CDC42BPA: variants seen among roughly 807,000 people sequenced by gnomAD.
CDC42BPA encodes CDC42 binding protein kinase alpha.
A neutral mutation model predicts 223.5 loss-of-function variants in CDC42BPA; 80 were observed. The ratio of observed to expected loss-of-function variants is 0.36; its 90% CI spans 0.30 to 0.43. The LOEUF is 0.43. CDC42BPA is among the 20% of genes least tolerant of loss of function. CDC42BPA has a pLI of 1.00. For synonymous variants in CDC42BPA, 694 were observed against 718.6 expected, an observed-to-expected ratio of 0.97 and a Z score of 0.55; for missense variants, 1,743 against 2,099.9, an observed-to-expected ratio of 0.83 and a Z score of 3.32.
chr1:227,103,335 AAACAT>A (rs1438008645), intron 14 of CDC42BPA, among the ~76,000 whole-genome samples: 1 of 152,122 alleles, frequency 6.6e-6, no homozygotes, highest in Non-Finnish European at 1.5e-5. Context: ...AATAAGCAAT[AAACAT>A]AACAAAAATT....
At chr1:227,302,745 C>T (rs1341709352) in intron 1 of CDC42BPA, among the ~76,000 whole-genome samples, 4 of 151,994 alleles carry the variant, frequency 2.6e-5, no homozygotes, top group African/African-American at 4.8e-5. Flanking sequence ...TCCTATCATT[C>T]ATCAGATTAT....
chr1:227,093,714 T>C (rs1683487508), intron 15 of CDC42BPA, among the ~76,000 whole-genome samples: 1 of 152,200 alleles, frequency 6.6e-6, no homozygotes, highest in Non-Finnish European at 1.5e-5. Context: ...AACCTGAGCC[T>C]CTTTTTTGTT....
intron 16 of CDC42BPA, among the ~76,000 whole-genome samples, chr1:227,084,663 T>C (rs1023667452): frequency 1.7e-4 from 26 of 152,142 alleles, no homozygotes; most frequent in African/African-American, 6.3e-4. Context: ...TGTATGTTTG[T>C]AGAGATACCG....
At chr1:227,127,858 C>A (rs143820954) in intron 11 of CDC42BPA, among the ~76,000 whole-genome samples, 1 of 152,152 alleles carries the variant, frequency 6.6e-6, no homozygotes, top group South Asian at 2.1e-4. Context: ...ATAAAAGATG[C>A]TACATTAGAT....
intron 1 of CDC42BPA, among the ~76,000 whole-genome samples, chr1:227,300,458 A>G (rs1237152402): frequency 1.3e-5 from 2 of 152,214 alleles, no homozygotes; most frequent in Non-Finnish European, 2.9e-5. Flanking sequence ...TATATGGTAT[A>G]TATATACACA....
intron 2 of CDC42BPA, among the ~76,000 whole-genome samples, chr1:227,251,694 T>C (rs76312186): frequency 9.2e-5 from 14 of 152,230 alleles, no homozygotes; most frequent in African/African-American, 3.1e-4. Context: ...TAACTGTACA[T>C]TTGTTATCAG....
intron 27 of CDC42BPA, 79 bp from the exon 28 acceptor site, chr1:227,031,593 T>G: frequency 8.7e-7 from 1 of 1,151,012 alleles, no homozygotes; most frequent in Non-Finnish European, 1.3e-6. Context: ...GTTAGTTTGC[T>G]TAGCACTCAC....
At chr1:227,103,614 A>G (rs1685416683) in intron 14 of CDC42BPA, among the ~76,000 whole-genome samples, 1 of 152,128 alleles carries the variant, frequency 6.6e-6, no homozygotes, top group African/African-American at 2.4e-5. Context: ...TATACTTTTC[A>G]AATATTAAAA....
intron 33 of CDC42BPA, among the ~76,000 whole-genome samples, chr1:227,016,486 T>C (rs527564442): frequency 2.6e-5 from 4 of 152,294 alleles, no homozygotes; most frequent in African/African-American, 9.6e-5. Flanking sequence ...ATTTTATGTA[T>C]CTCTTTAAAA....
chr1:227,004,257 T>C (rs989779878), intron 35 of CDC42BPA: 1 of 152,172 alleles, frequency 6.6e-6, no homozygotes, highest in Non-Finnish European at 1.5e-5. Flanking sequence ...ACTCTGAAAA[T>C]ATATCTGGAG....
chr1:227,270,742 C>T (rs1194589303), intron 1 of CDC42BPA, among the ~76,000 whole-genome samples: 1 of 152,124 alleles, frequency 6.6e-6, no homozygotes, highest in African/African-American at 2.4e-5. Flanking sequence ...CCATCCCCTC[C>T]CCGACCCACC....
rs61834007 is a variant in CDC42BPA, at chr1:227,017,202, T to C, written c.4616-152A>G. The C allele has an allele frequency of 1.8e-4, 107 of 586,432 alleles. 1 individual carries two copies. Among genetic ancestry groups the C allele is most frequent in the Non-Finnish European group, 2.7e-4 (96 of 354,722 alleles). 36.3% of individuals were successfully genotyped at this position (586,432 alleles called of 1,614,324 possible). A position where few individuals can be genotyped will look rare whatever the true frequency, so the allele number is the denominator to read the frequency against. ...TGTGTTGATAACCCAGTAAATAATATTTAACAGAACCTATGTAAACAGATA... is the reference window on the plus strand; with the variant it reads ...TGTGTTGATAACCCAGTAAATAATACTTAACAGAACCTATGTAAACAGATA... On this transcript the variant is annotated intron_variant, in intron 32 of 36. Coordinates refer to ENST00000366766, the MANE Select transcript of CDC42BPA (RefSeq NM_001394014.1).
At position 227,026,125 on chromosome 1, in the gene CDC42BPA, T is replaced by C. The variant is rs1479750056; in HGVS notation, c.4460A>G (p.Tyr1487Cys). ...CCYNAPYLSV[Y>C]SENAVDIFDV... ...AAAGATATCAACTGCATTTTCACTG[T>C]ACACCGAGAGATATGGTGCATTGTA... The change falls in exon 31 of 37, where the codon TAC (tyrosine) becomes TGC (cysteine). Residue 1487 changes from tyrosine (Y) to cysteine (C), a missense_variant. Transcript: ENST00000366766. The C allele has an allele frequency of 6.2e-7, 1 of 1,605,256 alleles. No individual in the cohort carries two copies. The highest frequency in any genetic ancestry group is 1.7e-5 in the Admixed American group (1 of 58,842).
intron 14 of CDC42BPA, among the ~76,000 whole-genome samples, chr1:227,106,434 G>C (rs185788183): frequency 1.8e-4 from 27 of 151,856 alleles, no homozygotes; most frequent in Non-Finnish European, 2.6e-4. Flanking sequence ...TACACATTAA[G>C]TTTTAATTTT....
At position 226,992,577 on chromosome 1, in the gene CDC42BPA, C is replaced by T. The variant is rs1660889065; in HGVS notation, c.*1691G>A. ...ACAGACGTGGAGTCACAGACAGCAG[C>T]AGTGAAATGATGGCCTTAAACACTG... On this transcript the variant is annotated 3_prime_UTR_variant, in exon 37 of 37. Coordinates refer to ENST00000366766, the MANE Select transcript of CDC42BPA (RefSeq NM_001394014.1). 6.6e-6 allele frequency: 1 copy of T among 152,252 alleles called. No individual in the cohort carries two copies. Among genetic ancestry groups the T allele is most frequent in the Non-Finnish European group, 1.5e-5 (1 of 68,060 alleles). The allele number at this position is 152,252 out of a possible 1,614,324, so 9.4% of individuals were successfully genotyped here. A position where few individuals can be genotyped will look rare whatever the true frequency, so the allele number is the denominator to read the frequency against.
chr1:227,308,221 G>A (rs139394713), intron 1 of CDC42BPA, among the ~76,000 whole-genome samples: 20 of 152,162 alleles, frequency 1.3e-4, no homozygotes, highest in African/African-American at 4.6e-4. Flanking sequence ...AAGCAAAATG[G>A]GAGGACGGGC....
chr1:227,117,697 T>G (rs1315786940), intron 12 of CDC42BPA, among the ~76,000 whole-genome samples: 1 of 151,894 alleles, frequency 6.6e-6, no homozygotes, highest in Non-Finnish European at 1.5e-5. Flanking sequence ...ATTTAAAACT[T>G]TAAGATAAAA....
At chr1:227,169,796 GATA>G (rs1665769573) in intron 5 of CDC42BPA, among the ~76,000 whole-genome samples, 1 of 152,108 alleles carries the variant, frequency 6.6e-6, no homozygotes. Flanking sequence ...GTGCCTTTAG[GATA>G]ATGGTCTTTG....
rs138223552 is a variant in CDC42BPA at position 227,097,174 on chromosome 1, AACAC to A, written c.2249+3814_2249+3817del. Among the ~76,000 whole-genome samples the A allele has an allele frequency of 2.5e-4, 38 of 151,734 alleles. 1 individual carries two copies. The highest frequency in any genetic ancestry group is 2.1e-3 in the Admixed American group (32 of 15,208). On this transcript the variant is annotated intron_variant, in intron 15 of 36. Coordinates refer to ENST00000366766, the MANE Select transcript of CDC42BPA (RefSeq NM_001394014.1). ...CATGCTGTTATTTTTTCCATCTTAAAACACACACACACACCCACACAACAAAGTA... is the reference window on the plus strand; with the variant it reads ...CATGCTGTTATTTTTTCCATCTTAAAACACACACACCCACACAACAAAGTA...
Sources: gnomAD v4.1 joint callset for allele counts (sites outside exome capture counted in the v4.1 genomes callset) on GRCh38, gnomAD v4.1.1 for gene constraint, MANE v1.5 for transcripts, NCBI Gene and HGNC (gene_info 2026-07-23, HGNC 2026-07-21) for gene names.